Variants in REPS2 observed in about 807,000 individuals in gnomAD.
REPS2 encodes the protein RALBP1 associated Eps domain containing 2, also known as ralBP1-associated Eps domain-containing protein 2.
A neutral mutation model predicts 53.6 loss-of-function variants in REPS2; 23 were observed. The observed-to-expected ratio is 0.43, with a 90% confidence interval of 0.31 to 0.61. REPS2 has a LOEUF of 0.61. REPS2 is among the 20% of genes least tolerant of loss of function. The pLI is 0.11. For missense variants in REPS2, 446 were observed against 534.9 expected (o/e 0.83, Z 1.64); for synonymous variants, 238 against 218.6 (o/e 1.09, Z -0.78).
rs755424244 is a variant in REPS2, at chrX:17,118,848, T to G, written c.1579-14976T>G. Among the ~76,000 whole-genome samples, 35 of 112,337 alleles carry G rather than the reference T, an allele frequency of 3.1e-4. 1 individual carries two copies. Among genetic ancestry groups the G allele is most frequent in the African/African-American group, 1.1e-3 (34 of 30,942 alleles). On this transcript the variant is annotated intron_variant, in intron 14 of 17. Coordinates refer to ENST00000357277, the MANE Select transcript of REPS2 (RefSeq NM_004726.3). Reference sequence around the variant, plus strand: ...TTCACATTTGGTCTGTGGGACATATTTGATGTAGCAAAAGGCCAAGGGTAA... The same window carrying G: ...TTCACATTTGGTCTGTGGGACATATGTGATGTAGCAAAAGGCCAAGGGTAA...
chrX:17,085,591 TTA>T (rs2062522616), intron 13 of REPS2, among the ~76,000 whole-genome samples: 1 of 112,413 alleles, frequency 8.9e-6, no homozygotes, highest in Non-Finnish European at 1.9e-5. Context: ...ATTTCTTTTG[TTA>T]AATGTATTCC....
downstream of REPS2, among the ~76,000 whole-genome samples, chrX:17,153,979 C>G (rs753700823): frequency 9.0e-6 from 1 of 111,050 alleles, no homozygotes; most frequent in Admixed American, 9.6e-5. Flanking sequence ...GTGTGGTCCC[C>G]AGATCAGCAA....
chrX:17,095,275 CA>C (rs2062680894), intron 13 of REPS2, among the ~76,000 whole-genome samples: 1 of 111,898 alleles, frequency 8.9e-6, no homozygotes, highest in Non-Finnish European at 1.9e-5. Context: ...CTCTGGAACA[CA>C]TTCTCCTAAT....
At chrX:17,140,931 C>A (rs930722566) in intron 17 of REPS2, among the ~76,000 whole-genome samples, 1 of 109,916 alleles carries the variant, frequency 9.1e-6, no homozygotes, top group Non-Finnish European at 1.9e-5. Context: ...CCACCACGCC[C>A]GGCCAACTTT....
At chrX:17,037,797 G>A (rs773190619) in intron 5 of REPS2, among the ~76,000 whole-genome samples, 32 of 112,219 alleles carry the variant, frequency 2.9e-4, no homozygotes, top group Admixed American at 2.6e-3. Context: ...AGGACCTTTT[G>A]GTCTCAGTTA....
At chrX:17,137,232 C>T (rs1001647141) in intron 16 of REPS2, 1 of 112,195 alleles carries the variant, frequency 8.9e-6, no homozygotes, top group Non-Finnish European at 1.9e-5. Flanking sequence ...ATAGTGGCTG[C>T]ACCATTTTAT....
chrX:17,141,779 A>G (rs1306400480), intron 17 of REPS2, among the ~76,000 whole-genome samples: 6 of 112,344 alleles, frequency 5.3e-5, no homozygotes, highest in Non-Finnish European at 1.1e-4. Flanking sequence ...CTTTGTGATT[A>G]TTTACCTTTC....
chrX:17,052,502 G>A, intron 7 of REPS2, 57 bp downstream of exon 7: 2 of 925,311 alleles, frequency 2.2e-6, no homozygotes, highest in South Asian at 2.6e-5. Flanking sequence ...TCATCCTTTA[G>A]TTCCTACCTT....
the REPS2 span, among the ~76,000 whole-genome samples, chrX:17,182,140 G>GTCTA: frequency 0.049 from 4,988 of 101,172 alleles, 113 homozygotes; most frequent in East Asian, 0.073. Flanking sequence ...TGCTCTATCT[G>GTCTA]TCTATCTATC....
chrX:17,022,536 A>G (rs1256996180), intron 3 of REPS2, among the ~76,000 whole-genome samples: 3 of 112,405 alleles, frequency 2.7e-5, no homozygotes, highest in Non-Finnish European at 3.8e-5. Context: ...ACATTTATTG[A>G]TTTCACTAGC....
chrX:16,987,103 A>T (rs1288246678), intron 1 of REPS2, among the ~76,000 whole-genome samples: 3 of 109,400 alleles, frequency 2.7e-5, no homozygotes, highest in East Asian at 5.7e-4. Flanking sequence ...TTAATTAATT[A>T]ATTTATTTTT....
chrX:17,046,204 G>A (rs1421654362), intron 5 of REPS2, among the ~76,000 whole-genome samples: 2 of 106,539 alleles, frequency 1.9e-5, no homozygotes, highest in Non-Finnish European at 3.9e-5. Context: ...GCCCAGGCTG[G>A]AGTGCAGTGG....
the REPS2 span, among the ~76,000 whole-genome samples, chrX:17,162,213 A>T: frequency 1.3e-4 from 15 of 112,223 alleles, no homozygotes; most frequent in Non-Finnish European, 2.6e-4. Flanking sequence ...CTCACTCACA[A>T]TGCTTGTCTT....
chrX:17,053,623 T>C (rs931087326), intron 7 of REPS2, among the ~76,000 whole-genome samples: 10 of 112,295 alleles, frequency 8.9e-5, no homozygotes, highest in Non-Finnish European at 9.4e-5. Context: ...ATTACAGGCA[T>C]GAGCCACCAT....
At position 17,125,000 on chromosome X, in the gene REPS2, A is replaced by G. The variant is rs575058218; in HGVS notation, c.1579-8824A>G. On this transcript the variant is annotated intron_variant, in intron 14 of 17. Transcript: ENST00000357277. ...TGCCTCAGCCTCCTGAATAGCTGGG[A>G]TTACAGGAGCGTGTCACTACGCCCA... 2.8e-5 allele frequency among the ~76,000 whole-genome samples: 3 copies of G among 108,412 alleles called. No individual in the cohort carries two copies. In the South Asian group the frequency reaches 1.2e-3, roughly 45 times the overall value. The allele number at this position is 108,412 out of a possible 115,157, so 94.1% of individuals were successfully genotyped here.
At chrX:17,046,240 TTCTGCCTCCCAGGTTCAACC>T (rs770495112) in intron 5 of REPS2, among the ~76,000 whole-genome samples, 20 of 109,012 alleles carry the variant, frequency 1.8e-4, no homozygotes, top group African/African-American at 6.3e-4. Flanking sequence ...CAGGTTCAAC[TTCTGCCTCCCAGGTTCAACC>T]TCTGCCTCCC....
chrX:17,121,369 T>C (rs2063139643), intron 14 of REPS2, among the ~76,000 whole-genome samples: 1 of 112,356 alleles, frequency 8.9e-6, no homozygotes, highest in African/African-American at 3.2e-5. Flanking sequence ...TTGCTGTCTG[T>C]GTTGTGAATG....
At position 17,147,651 on chromosome X, in the gene REPS2, T is replaced by C; in HGVS notation, c.*170T>C. On this transcript the variant is annotated 3_prime_UTR_variant, in exon 18 of 18. Transcript: ENST00000357277. ...TGCACTTCACTTGTATGTTTTACTG[T>C]GGTGGAAAAAATACTTCAACTGATT... 2.8e-6 allele frequency: 1 copy of C among 363,267 alleles called. No individual in the cohort carries two copies. Among genetic ancestry groups the C allele is most frequent in the Non-Finnish European group, 4.8e-6 (1 of 206,388 alleles). The allele number at this position is 363,267 out of a possible 1,213,427, so 29.9% of individuals were successfully genotyped here. A position where few individuals can be genotyped will look rare whatever the true frequency, so the allele number is the denominator to read the frequency against.
At chrX:16,955,561 G>A (rs897925405) in intron 1 of REPS2, among the ~76,000 whole-genome samples, 2 of 111,664 alleles carry the variant, frequency 1.8e-5, no homozygotes, top group Non-Finnish European at 3.8e-5. Flanking sequence ...GCAGAATTCA[G>A]TTCCTTGTGA....
Sources: allele counts gnomAD v4.1 joint callset (sites outside exome capture counted in the v4.1 genomes callset), GRCh38; gene constraint gnomAD v4.1.1; transcripts MANE v1.5; gene names NCBI Gene and HGNC (gene_info 2026-07-23, HGNC 2026-07-21).